The following TENM3 variants were observed in gnomAD, a reference collection of about 807,000 sequenced individuals.
TENM3 encodes the protein teneurin transmembrane protein 3.
TENM3 carries 63 observed loss-of-function variants against 255.1 expected under a neutral mutation model. The ratio of observed to expected loss-of-function variants is 0.25; its 90% CI spans 0.20 to 0.30. The LOEUF is 0.30. Ranked by LOEUF, TENM3 falls within the 10% of genes least tolerant of loss-of-function variation. TENM3 has a pLI of 1.00. For missense variants in TENM3, 2,929 were observed against 3,461.1 expected (o/e 0.85, Z 3.86); for synonymous variants, 1,306 against 1,322.3 (o/e 0.99, Z 0.27).
At chr4:182,010,137 G>A in the TENM3 span, among the ~76,000 whole-genome samples, 1 of 152,054 alleles carries the variant, frequency 6.6e-6, no homozygotes, top group Admixed American at 6.6e-5. Context: ...GCTTCTAGTC[G>A]GCCATCTTGG....
rs560399570 is a variant in TENM3, at chr4:182,643,249, T to C, written c.989-10522T>C. Among the ~76,000 whole-genome samples, 109 of 152,336 alleles carry C rather than the reference T, an allele frequency of 7.2e-4. 1 individual carries two copies. Among genetic ancestry groups the C allele is most frequent in the Non-Finnish European group, 1.5e-3 (101 of 68,028 alleles). Reference sequence around the variant, plus strand: ...TACACATGTGCATCGTGTATATTTATGTATTCATGAAATTGATACATAAAA... The same window carrying C: ...TACACATGTGCATCGTGTATATTTACGTATTCATGAAATTGATACATAAAA... On this transcript the variant is annotated intron_variant, in intron 5 of 27. Coordinates refer to ENST00000511685, the MANE Select transcript of TENM3 (RefSeq NM_001080477.4).
At chr4:182,529,452 T>TTC (rs1340013579) in intron 3 of TENM3, among the ~76,000 whole-genome samples, 3 of 152,194 alleles carry the variant, frequency 2.0e-5, no homozygotes. Flanking sequence ...GACAGGCCTT[T>TTC]TCTCTCTGCT....
chr4:181,967,131 C>T, the TENM3 span, among the ~76,000 whole-genome samples: 1 of 152,112 alleles, frequency 6.6e-6, no homozygotes, highest in East Asian at 1.9e-4. Context: ...TCATCTTTTT[C>T]AGAAACTGCA....
chr4:181,456,541 A>T, the TENM3 span, among the ~76,000 whole-genome samples: 2 of 151,944 alleles, frequency 1.3e-5, no homozygotes, highest in Non-Finnish European at 2.9e-5. Context: ...CTAAGCTAGT[A>T]TCTCTATATC....
chr4:182,569,258 G>T (rs1412329295), intron 3 of TENM3, among the ~76,000 whole-genome samples: 1 of 152,108 alleles, frequency 6.6e-6, no homozygotes, highest in African/African-American at 2.4e-5. Context: ...AGTCTTCTTA[G>T]AAAAGTAGGG....
intron 1 of TENM3, chr4:182,145,320 G>A (rs1269412193): frequency 6.6e-6 from 1 of 152,320 alleles, no homozygotes; most frequent in Admixed American, 6.5e-5. Flanking sequence ...GGGAGTGGTG[G>A]ATCACGGCTG....
At chr4:181,828,827 T>G in the TENM3 span, among the ~76,000 whole-genome samples, 1 of 152,124 alleles carries the variant, frequency 6.6e-6, no homozygotes, top group Admixed American at 6.5e-5. Context: ...TGACCTCAAG[T>G]GTTCCACTCA....
intron 2 of TENM3, among the ~76,000 whole-genome samples, chr4:182,327,345 A>G (rs1005229552): frequency 1.3e-5 from 2 of 152,222 alleles, no homozygotes; most frequent in Non-Finnish European, 2.9e-5. Context: ...AAAACAGCTG[A>G]TCAGTCCTGT....
chr4:181,758,095 C>T, the TENM3 span, among the ~76,000 whole-genome samples: 10 of 152,298 alleles, frequency 6.6e-5, no homozygotes, highest in South Asian at 1.9e-3. Context: ...CCACTGACAG[C>T]TCGCTACTGT....
chr4:182,093,203 T>C, the TENM3 span, among the ~76,000 whole-genome samples: 5 of 152,180 alleles, frequency 3.3e-5, no homozygotes, highest in African/African-American at 1.2e-4. Context: ...CCCTTACTGT[T>C]AGAATTTTAG....
chr4:182,194,858 T>C (rs2149800909), intron 1 of TENM3, among the ~76,000 whole-genome samples: 1 of 152,316 alleles, frequency 6.6e-6, no homozygotes, highest in African/African-American at 2.4e-5. Flanking sequence ...TTGCAGCTCC[T>C]CAGCGACCTT....
At chr4:182,464,686 A>G (rs752307648) in intron 3 of TENM3, among the ~76,000 whole-genome samples, 2 of 152,246 alleles carry the variant, frequency 1.3e-5, no homozygotes, top group Non-Finnish European at 2.9e-5. Flanking sequence ...TGAAGTTACA[A>G]AATAAAAATT....
chr4:182,752,795 T>G (rs1038218568), intron 20 of TENM3, among the ~76,000 whole-genome samples: 3 of 152,162 alleles, frequency 2.0e-5, no homozygotes, highest in Non-Finnish European at 4.4e-5. Flanking sequence ...GTAAGGGAGC[T>G]GGAATGGAAT....
the TENM3 span, among the ~76,000 whole-genome samples, chr4:181,475,014 CA>C: frequency 6.6e-6 from 1 of 152,116 alleles, no homozygotes; most frequent in Non-Finnish European, 1.5e-5. Flanking sequence ...GCATAGTCCT[CA>C]AAAGACAGAA....
At chr4:182,621,781 A>T (rs1750272815) in intron 4 of TENM3, among the ~76,000 whole-genome samples, 1 of 59,520 alleles carries the variant, frequency 1.7e-5, no homozygotes, top group Non-Finnish European at 3.1e-5. Flanking sequence ...TATTATATAT[A>T]ATTATATATA....
intron 5 of TENM3, among the ~76,000 whole-genome samples, chr4:182,633,457 G>A (rs192453576): frequency 9.9e-5 from 15 of 152,160 alleles, no homozygotes; most frequent in Admixed American, 2.6e-4. Context: ...GAAGAAAGGC[G>A]ATACCTACGT....
chr4:181,535,952 C>T, the TENM3 span, among the ~76,000 whole-genome samples: 1 of 152,018 alleles, frequency 6.6e-6, no homozygotes, highest in African/African-American at 2.4e-5. Context: ...TCCTATAGTC[C>T]TCAACTTTGG....
chr4:182,245,968 G>A (rs761604066), intron 1 of TENM3, among the ~76,000 whole-genome samples: 29 of 152,138 alleles, frequency 1.9e-4, no homozygotes, highest in Non-Finnish European at 3.8e-4. Flanking sequence ...GCTCCTGCTG[G>A]ATCCTCACTC....
the TENM3 span, among the ~76,000 whole-genome samples, chr4:182,040,982 T>C: frequency 6.6e-6 from 1 of 152,206 alleles, no homozygotes; most frequent in Non-Finnish European, 1.5e-5. Flanking sequence ...TTACTTTTGC[T>C]GTGACTGTGG....
Sources: allele counts gnomAD v4.1 joint callset (sites outside exome capture counted in the v4.1 genomes callset), GRCh38; gene constraint gnomAD v4.1.1; transcripts MANE v1.5; gene names NCBI Gene and HGNC (gene_info 2026-07-23, HGNC 2026-07-21).